SPATA17: variants seen among roughly 807,000 people sequenced by gnomAD.
SPATA17 encodes the protein spermatogenesis associated 17.
Under a neutral mutation model 62.2 loss-of-function variants are expected in SPATA17, and 53 were observed. The ratio of observed to expected loss-of-function variants is 0.85; its 90% CI spans 0.68 to 1.07. SPATA17 has a LOEUF of 1.07. Among genes scored for constraint, SPATA17 ranks in the 50% least tolerant of loss-of-function variants. SPATA17 has a pLI of 0.00. For missense variants in SPATA17, 466 were observed against 425.5 expected, an observed-to-expected ratio of 1.10 and a Z score of -0.84; for synonymous variants, 146 against 146.8, an observed-to-expected ratio of 0.99 and a Z score of 0.04.
intron 5 of SPATA17, among the ~76,000 whole-genome samples, chr1:217,726,315 A>C (rs767813127): frequency 6.6e-6 from 1 of 152,142 alleles, no homozygotes; most frequent in Non-Finnish European, 1.5e-5. Context: ...TCATCAGTTG[A>C]CCTTATTCAA....
Position 217,871,487 on chromosome 1 carries a change from T to C in SPATA17, c.*4468T>C, listed in dbSNP as rs1217117580. ...TTAGGAACAATAAGTTACTGAATTA[T>C]ATGAACCTATTTGAGGTAATGATGA... On this transcript the variant is annotated 3_prime_UTR_variant, in exon 11 of 11. Transcript: ENST00000366933. The C allele has an allele frequency of 1.3e-5, 2 of 152,192 alleles. No homozygotes were observed. Among genetic ancestry groups the C allele is most frequent in the Non-Finnish European group, 2.9e-5 (2 of 68,026 alleles). The allele number at this position is 152,192 out of a possible 1,614,324, so 9.4% of individuals were successfully genotyped here.
chr1:217,723,300 A>G (rs1172882994), intron 5 of SPATA17, among the ~76,000 whole-genome samples: 4 of 152,102 alleles, frequency 2.6e-5, no homozygotes, highest in Admixed American at 6.5e-5. Flanking sequence ...CCATGAATAC[A>G]TGTGTTGGGT....
chr1:217,649,043 A>G (rs1670250787), intron 2 of SPATA17, 72 bp downstream of exon 2: 1 of 1,021,636 alleles, frequency 9.8e-7, no homozygotes, highest in Non-Finnish European at 1.4e-6. Flanking sequence ...TAATTTATTC[A>G]TGAAGTACTC....
chr1:217,766,334 GTA>G (rs1192606698), intron 6 of SPATA17, among the ~76,000 whole-genome samples: 1 of 151,604 alleles, frequency 6.6e-6, no homozygotes, highest in Non-Finnish European at 1.5e-5. Context: ...TTCTTAGTAT[GTA>G]AGCTGCATTT....
At chr1:217,781,890 T>A (rs776719693) in intron 7 of SPATA17, among the ~76,000 whole-genome samples, 2 of 152,174 alleles carry the variant, frequency 1.3e-5, no homozygotes, top group African/African-American at 2.4e-5. Flanking sequence ...CAAAGCAACC[T>A]ATAACAAGTT....
chr1:217,719,097 C>T (rs1345092189), intron 5 of SPATA17, among the ~76,000 whole-genome samples: 2 of 152,218 alleles, frequency 1.3e-5, no homozygotes, highest in Non-Finnish European at 2.9e-5. Flanking sequence ...TGAACTTGGA[C>T]CAATAGGCCC....
chr1:217,856,270 A>C (rs142624604), intron 9 of SPATA17, among the ~76,000 whole-genome samples: 1 of 152,216 alleles, frequency 6.6e-6, no homozygotes, highest in African/African-American at 2.4e-5. Flanking sequence ...AGTACTTGCT[A>C]TGTGCTGGAC....
chr1:217,680,754 G>T (rs1414495848), intron 4 of SPATA17, among the ~76,000 whole-genome samples: 1 of 151,374 alleles, frequency 6.6e-6, no homozygotes, highest in Admixed American at 6.6e-5. Flanking sequence ...GTGAAACCCT[G>T]CCTCTATTAA....
At position 217,870,744 on chromosome 1, in the gene SPATA17, T is replaced by C. The variant is rs1284847356; in HGVS notation, c.*3725T>C. 2 of 152,158 alleles carry C rather than the reference T, an allele frequency of 1.3e-5. No individual in the cohort carries two copies. The highest frequency in any genetic ancestry group is 4.8e-5 in the African/African-American group (2 of 41,446). The allele number at this position is 152,158 out of a possible 1,614,324, so 9.4% of individuals were successfully genotyped here. ...CTAAGAGCCTTCAGAATTAGACGCT[T>C]CAATTCTTCTGAAATCAAAAGTCAC... On this transcript the variant is annotated 3_prime_UTR_variant, in exon 11 of 11. Coordinates refer to ENST00000366933, the MANE Select transcript of SPATA17 (RefSeq NM_138796.4).
chr1:217,700,350 A>T (rs1413693128), intron 5 of SPATA17, among the ~76,000 whole-genome samples: 1 of 152,110 alleles, frequency 6.6e-6, no homozygotes, highest in African/African-American at 2.4e-5. Context: ...ATAGGTTTTC[A>T]TGGTTAGGCT....
At chr1:217,647,743 A>G (rs1271230434) in intron 1 of SPATA17, among the ~76,000 whole-genome samples, 2 of 151,870 alleles carry the variant, frequency 1.3e-5, no homozygotes, top group East Asian at 3.9e-4. Context: ...TTTTATTTTG[A>G]GACAGAGTCT....
intron 3 of SPATA17, 59 bp from the exon 4 acceptor site, chr1:217,668,974 T>C (rs1469399054): frequency 7.3e-7 from 1 of 1,370,124 alleles, no homozygotes; most frequent in Middle Eastern, 1.9e-4. Flanking sequence ...TATGTAAAAA[T>C]AGGCTGCACT....
At position 217,753,334 on chromosome 1, in the gene SPATA17, T is replaced by G. The variant is rs113974709; in HGVS notation, c.519+11236T>G. ...GCTCAAATAAGTTTTAACTTTTGTTTCAATGTGCTATACATAATCATCGGC... is the reference window on the plus strand; with the variant it reads ...GCTCAAATAAGTTTTAACTTTTGTTGCAATGTGCTATACATAATCATCGGC... On this transcript the variant is annotated intron_variant, in intron 6 of 10. Transcript: ENST00000366933. 1.4e-3 allele frequency among the ~76,000 whole-genome samples: 217 copies of G among 152,318 alleles called. 1 individual carries two copies. Among genetic ancestry groups the G allele is most frequent in the African/African-American group, 4.7e-3 (197 of 41,578 alleles).
At chr1:217,764,004 C>T (rs1673239489) in intron 6 of SPATA17, among the ~76,000 whole-genome samples, 1 of 152,076 alleles carries the variant, frequency 6.6e-6, no homozygotes, top group Non-Finnish European at 1.5e-5. Context: ...ACATGCACAC[C>T]CTTCCCCACT....
At chr1:217,791,902 C>T (rs1010838639) in intron 8 of SPATA17, among the ~76,000 whole-genome samples, 1 of 151,994 alleles carries the variant, frequency 6.6e-6, no homozygotes, top group Non-Finnish European at 1.5e-5. Flanking sequence ...TGCCATAGAA[C>T]TGAGACGTTG....
In SPATA17 at chr1:217,721,240, G is replaced by T. The variant is rs141138738; in HGVS notation, c.396-20735G>T. ...TTAATGATAATCTTTTAAATAAGTG[G>T]ATCTTTTTCATAATTCCTTGAGTTC... is the stretch of plus-strand genomic sequence containing the variant. On this transcript the variant is annotated intron_variant, in intron 5 of 10. Coordinates refer to ENST00000366933, the MANE Select transcript of SPATA17 (RefSeq NM_138796.4). 7.1e-4 allele frequency among the ~76,000 whole-genome samples: 108 copies of T among 152,192 alleles called. 2 individuals are homozygous for T. In the East Asian group the frequency reaches 0.018, roughly 25 times the overall value.
intron 4 of SPATA17, among the ~76,000 whole-genome samples, chr1:217,677,208 C>T (rs915766942): frequency 1.3e-5 from 2 of 151,964 alleles, no homozygotes; most frequent in African/African-American, 2.4e-5. Flanking sequence ...GCATATAATA[C>T]AAATTTTAAT....
intron 9 of SPATA17, among the ~76,000 whole-genome samples, chr1:217,845,293 A>T (rs1029874130): frequency 6.6e-6 from 1 of 152,034 alleles, no homozygotes; most frequent in Admixed American, 6.6e-5. Flanking sequence ...TTTTAAGAGC[A>T]CTAGATGCAT....
At chr1:217,854,825 T>C (rs1675745964) in intron 9 of SPATA17, among the ~76,000 whole-genome samples, 1 of 152,186 alleles carries the variant, frequency 6.6e-6, no homozygotes, top group South Asian at 2.1e-4. Context: ...GATGTGCTAC[T>C]CCAGAAGTCT....
Sources: allele counts gnomAD v4.1 joint callset (sites outside exome capture counted in the v4.1 genomes callset), GRCh38; gene constraint gnomAD v4.1.1; transcripts MANE v1.5; gene names NCBI Gene and HGNC (gene_info 2026-07-23, HGNC 2026-07-21).